Variants in IL1RAPL2 observed in about 807,000 individuals in gnomAD.
IL1RAPL2 encodes the protein X-linked interleukin-1 receptor accessory protein-like 2.
Under a neutral mutation model 44.1 loss-of-function variants are expected in IL1RAPL2, and 3 were observed. The ratio of observed to expected loss-of-function variants is 0.07; its 90% confidence interval spans 0.03 to 0.18. The LOEUF (loss-of-function observed/expected upper bound fraction) is 0.18, where lower values mean the gene tolerates loss of function less well. Among genes scored for constraint, IL1RAPL2 ranks in the 10% least tolerant of loss-of-function variants. IL1RAPL2 has a pLI of 1.00. For synonymous variants in IL1RAPL2, 181 were observed against 178.8 expected, an observed-to-expected ratio of 1.01 and a Z score of -0.10; for missense variants, 391 against 496.4, an observed-to-expected ratio of 0.79 and a Z score of 2.02.
chrX:104,848,587 C>T (rs5917155), intron 2 of IL1RAPL2, among the ~76,000 whole-genome samples: 45,986 of 105,444 alleles, frequency 0.44, 7,310 homozygotes, highest in East Asian at 0.46. Flanking sequence ...AATGCACTTT[C>T]AATAATTGGT....
intron 5 of IL1RAPL2, among the ~76,000 whole-genome samples, chrX:105,396,331 T>A (rs978001214): frequency 3.3e-4 from 35 of 106,726 alleles, no homozygotes; most frequent in African/African-American, 1.2e-3. Flanking sequence ...TTCCTTTTTT[T>A]AATAAAGTTG....
intron 5 of IL1RAPL2, among the ~76,000 whole-genome samples, chrX:105,443,144 T>C (rs1162807878): frequency 1.8e-5 from 2 of 112,038 alleles, no homozygotes; most frequent in Non-Finnish European, 3.8e-5. Flanking sequence ...TGGTACTTTA[T>C]TGGTAGTGTC....
At chrX:105,301,746 T>A (rs191570379) in intron 5 of IL1RAPL2, among the ~76,000 whole-genome samples, 2 of 112,509 alleles carry the variant, frequency 1.8e-5, no homozygotes, top group Non-Finnish European at 3.7e-5. Context: ...TGTGTATATG[T>A]ACCACATTTT....
intron 1 of IL1RAPL2, among the ~76,000 whole-genome samples, chrX:104,575,159 A>G (rs2147989901): frequency 9.0e-6 from 1 of 111,305 alleles, no homozygotes; most frequent in South Asian, 3.8e-4. Context: ...AATAAAAGTA[A>G]CCTGGGAGCA....
intron 2 of IL1RAPL2, among the ~76,000 whole-genome samples, chrX:104,846,451 G>T (rs1328727450): frequency 1.8e-5 from 2 of 110,676 alleles, no homozygotes; most frequent in South Asian, 3.9e-4. Context: ...GGGGTGTTTG[G>T]TTTTTTGTCC....
intron 2 of IL1RAPL2, among the ~76,000 whole-genome samples, chrX:105,053,865 T>C (rs768182339): frequency 7.2e-5 from 8 of 111,786 alleles, no homozygotes; most frequent in African/African-American, 2.6e-4. Flanking sequence ...CCAGGCATGG[T>C]GGTGTGCACC....
intron 6 of IL1RAPL2, among the ~76,000 whole-genome samples, chrX:105,691,925 G>C (rs770540935): frequency 9.0e-6 from 1 of 111,730 alleles, no homozygotes; most frequent in African/African-American, 3.2e-5. Flanking sequence ...TTATAACATA[G>C]CTGAAAGAAA....
At chrX:105,286,318 C>T (rs1208130866) in intron 5 of IL1RAPL2, among the ~76,000 whole-genome samples, 1 of 110,500 alleles carries the variant, frequency 9.0e-6, no homozygotes, top group Admixed American at 9.8e-5. Flanking sequence ...TATATCTTTG[C>T]TTACAGAGCT....
chrX:105,108,949 C>T (rs1239415212), intron 2 of IL1RAPL2, among the ~76,000 whole-genome samples: 1 of 111,678 alleles, frequency 9.0e-6, no homozygotes, highest in Non-Finnish European at 1.9e-5. Context: ...TATCTCTGAC[C>T]TCATCTTGTA....
At chrX:105,423,430 T>C (rs2035786604) in intron 5 of IL1RAPL2, among the ~76,000 whole-genome samples, 1 of 111,870 alleles carries the variant, frequency 8.9e-6, no homozygotes, top group Non-Finnish European at 1.9e-5. Flanking sequence ...CTTCACTCTT[T>C]GAGAGATTTC....
At chrX:105,483,669 C>T (rs1374779473) in intron 5 of IL1RAPL2, among the ~76,000 whole-genome samples, 1 of 111,676 alleles carries the variant, frequency 9.0e-6, no homozygotes, top group Non-Finnish European at 1.9e-5. Context: ...TCAAATGCTA[C>T]ATTCTATGTT....
chrX:104,710,792 A>G (rs1278314033), intron 2 of IL1RAPL2, among the ~76,000 whole-genome samples: 1 of 111,059 alleles, frequency 9.0e-6, no homozygotes, highest in Non-Finnish European at 1.9e-5. Flanking sequence ...TGCATTCCTC[A>G]CCTGCTTGTG....
At chrX:105,617,583 A>T (rs1200606976) in intron 6 of IL1RAPL2, among the ~76,000 whole-genome samples, 2 of 111,821 alleles carry the variant, frequency 1.8e-5, no homozygotes, top group Non-Finnish European at 3.8e-5. Flanking sequence ...TGACCTTGTC[A>T]TAATTAACAA....
intron 5 of IL1RAPL2, among the ~76,000 whole-genome samples, chrX:105,424,361 T>C (rs1378121943): frequency 9.1e-6 from 1 of 110,382 alleles, no homozygotes; most frequent in African/African-American, 3.3e-5. Context: ...GGTGGCATTC[T>C]TTTGAGTTTC....
chrX:105,729,300 A>G (rs902713925), intron 7 of IL1RAPL2, among the ~76,000 whole-genome samples: 1 of 111,569 alleles, frequency 9.0e-6, no homozygotes, highest in East Asian at 2.8e-4. Flanking sequence ...TGGCTGTACC[A>G]TTTTGCATTC....
chrX:105,126,088 T>C (rs779899613), intron 2 of IL1RAPL2, among the ~76,000 whole-genome samples: 1 of 110,962 alleles, frequency 9.0e-6, no homozygotes, highest in African/African-American at 3.3e-5. Flanking sequence ...GTCTATCTCA[T>C]TGCTGAGAAG....
At chrX:104,915,349 C>G (rs1483170999) in intron 2 of IL1RAPL2, among the ~76,000 whole-genome samples, 3 of 110,707 alleles carry the variant, frequency 2.7e-5, no homozygotes, top group Admixed American at 1.9e-4. Flanking sequence ...TGTTTTTTGG[C>G]TGCATAAATG....
intron 6 of IL1RAPL2, among the ~76,000 whole-genome samples, chrX:105,562,471 C>T (rs1298578588): frequency 9.3e-6 from 1 of 107,278 alleles, no homozygotes; most frequent in African/African-American, 3.4e-5. Flanking sequence ...CAAAACATCA[C>T]ATTGTACCCC....
At chrX:105,073,673 T>G (rs763925301) in intron 2 of IL1RAPL2, among the ~76,000 whole-genome samples, 1 of 111,515 alleles carries the variant, frequency 9.0e-6, no homozygotes, top group East Asian at 2.8e-4. Context: ...AGTGTAAAAG[T>G]GTTCCTATTT....
Sources: gnomAD v4.1 joint callset for allele counts (sites outside exome capture counted in the v4.1 genomes callset) on GRCh38, gnomAD v4.1.1 for gene constraint, MANE v1.5 for transcripts, NCBI Gene and HGNC (gene_info 2026-07-23, HGNC 2026-07-21) for gene names.